The following RUVBL2 variants were observed in gnomAD, a reference collection of about 807,000 sequenced individuals.
The protein encoded by RUVBL2 is RuvB like AAA ATPase 2.
In RUVBL2, 9 loss-of-function variants were observed where a neutral mutation model predicts 57.9. That is an observed-to-expected ratio of 0.16 (90% confidence interval 0.09 to 0.27). The LOEUF (loss-of-function observed/expected upper bound fraction) is 0.27, where lower values mean the gene tolerates loss of function less well. Ranked by LOEUF, RUVBL2 falls within the 10% of genes least tolerant of loss-of-function variation. RUVBL2 has a pLI of 1.00. For synonymous variants in RUVBL2, 278 were observed against 264.6 expected (o/e 1.05, Z -0.49); for missense variants, 456 against 669.6 (o/e 0.68, Z 3.52).
rs375023511 is a variant in RUVBL2 at position 49,014,991 on chromosome 19, T to C, written c.1122-30T>C. ...CTGCAGTCAGAGGCTGGGCCCCGGC[T>C]GAGCCACCCCTGTCCCCCACTGCTT... On this transcript the variant is annotated intron_variant, in intron 12 of 14. Transcript: ENST00000595090. 175 of 1,576,412 alleles carry C rather than the reference T, an allele frequency of 1.1e-4. 1 individual carries two copies. The East Asian group carries it at 2.7e-3, about 24-fold the overall frequency.
At chr19:49,012,884 C>CACACACACA (rs1555803381) in intron 11 of RUVBL2, among the ~76,000 whole-genome samples, 3 of 149,232 alleles carry the variant, frequency 2.0e-5, no homozygotes, top group Admixed American at 6.7e-5. Context: ...CACACACACA[C>CACACACACA]CACCCCTGGG....
At chr19:49,002,291 C>G (rs1003959032) in intron 2 of RUVBL2, among the ~76,000 whole-genome samples, 7 of 152,020 alleles carry the variant, frequency 4.6e-5, no homozygotes, top group African/African-American at 1.7e-4. Flanking sequence ...CTCAGGTGAT[C>G]TGCTTGCCTC....
intron 11 of RUVBL2, among the ~76,000 whole-genome samples, chr19:49,013,269 T>C (rs1177343044): frequency 6.6e-6 from 1 of 151,842 alleles, no homozygotes; most frequent in African/African-American, 2.4e-5. Flanking sequence ...GCCTAATTTT[T>C]TTTTTTTTTT....
chr19:48,997,573 G>A (rs951304543), intron 1 of RUVBL2, among the ~76,000 whole-genome samples: 7 of 149,872 alleles, frequency 4.7e-5, no homozygotes, highest in Non-Finnish European at 8.9e-5. Flanking sequence ...AGGTTGTAGT[G>A]AGCCAAGATT....
At chr19:49,003,250 C>T (rs762113497) in intron 2 of RUVBL2, 29 bp from the exon 3 acceptor site, 8 of 1,498,118 alleles carry the variant, frequency 5.3e-6, no homozygotes, top group Non-Finnish European at 7.2e-6. Flanking sequence ...TGGCTAGTAA[C>T]TGAGTCTTTG....
In RUVBL2 at chr19:49,014,582, C is replaced by T. The variant is rs750596061; in HGVS notation, c.1100C>T (p.Thr367Met). Reference sequence around the variant, plus strand: ...ACCACCCCCTACAGCGAGAAAGACACGAAGCAGATCCTCCGCATCCGGTGC... The same window carrying T: ...ACCACCCCCTACAGCGAGAAAGACATGAAGCAGATCCTCCGCATCCGGTGC... ...VSTTPYSEKD[T>M]KQILRIRCEE... The change falls in exon 12 of 15, where the codon ACG (threonine) becomes ATG (methionine). Residue 367 changes from threonine (T) to methionine (M), a missense_variant. By Grantham distance (81) the Thr-to-Met change is moderately conservative (BLOSUM62 -1). Around this residue, in one of 5 missense-constraint regions of RUVBL2, gnomAD observed 130 missense variants for 243.0 expected, o/e 0.53. Coordinates refer to ENST00000595090, the MANE Select transcript of RUVBL2 (RefSeq NM_006666.3). 2.2e-5 allele frequency: 35 copies of T among 1,613,976 alleles called. No homozygotes were observed. Among genetic ancestry groups the T allele is most frequent in the Middle Eastern group, 1.6e-4 (1 of 6,084 alleles).
intron 13 of RUVBL2, 34 bp downstream of exon 13, chr19:49,015,184 G>T: frequency 6.3e-7 from 1 of 1,594,914 alleles, no homozygotes; most frequent in East Asian, 2.3e-5. Context: ...AGGGCCAGAT[G>T]GCGGCAGTGA....
At chr19:49,010,196 C>A in intron 8 of RUVBL2, 130 bp downstream of exon 8, 1 of 916,502 alleles carries the variant, frequency 1.1e-6, no homozygotes, top group Non-Finnish European at 1.7e-6. Context: ...ACTCCTGGGT[C>A]TTCCCTGTAA....
At position 49,015,859 on chromosome 19, in the gene RUVBL2, C is replaced by T. The variant is rs780045417; in HGVS notation, c.*17C>T. 117 of 1,614,174 alleles carry T rather than the reference C, an allele frequency of 7.2e-5. No homozygotes were observed. The East Asian group carries it at 1.5e-3, about 21-fold the overall frequency. On this transcript the variant is annotated 3_prime_UTR_variant, in exon 15 of 15. Coordinates refer to ENST00000595090, the MANE Select transcript of RUVBL2 (RefSeq NM_006666.3). ...ACCTCCTGAGTTGGATGTCATCCCC[C>T]GACCCCACCCTGTTTTCCACCAGAG...
chr19:49,006,932 T>C, intron 4 of RUVBL2, 86 bp from the exon 5 acceptor site: 3 of 1,546,038 alleles, frequency 1.9e-6, no homozygotes, highest in Non-Finnish European at 2.6e-6. Context: ...TTTCCTGGGG[T>C]GGGAGAAAAG....
intron 2 of RUVBL2, among the ~76,000 whole-genome samples, chr19:49,002,134 C>T (rs936706583): frequency 1.3e-5 from 2 of 151,934 alleles, no homozygotes; most frequent in African/African-American, 4.8e-5. Flanking sequence ...CTGCAACCTC[C>T]ACCTCCCTGG....
In RUVBL2 at chr19:49,011,356, C is replaced by T; in HGVS notation, c.1001+46C>T. 6.7e-7 allele frequency: 1 copy of T among 1,501,628 alleles called. No homozygotes were observed. Among genetic ancestry groups the T allele is most frequent in the Non-Finnish European group, 9.2e-7 (1 of 1,081,088 alleles). 93.0% of individuals were successfully genotyped at this position (1,501,628 alleles called of 1,614,324 possible). A position where few individuals can be genotyped will look rare whatever the true frequency, so the allele number is the denominator to read the frequency against. On this transcript the variant is annotated intron_variant, in intron 11 of 14. Coordinates refer to ENST00000595090, the MANE Select transcript of RUVBL2 (RefSeq NM_006666.3). This position sits in a 1 kb window ranked among gnomAD's most constrained non-coding sequence, Gnocchi z 4.4. ...TCTGGGGAAAACAGGATGCTCTGGG[C>T]AGTGGGTGTGGTCAGAGGGTCAATG...
rs200430454 is a variant in RUVBL2 at position 49,003,317 on chromosome 19, G to A, written c.106G>A (p.Ala36Thr). ...SHIRGLGLDD[A>T]LEPRQASQGM... ...CATCCGGGGACTGGGGCTGGACGAT[G>A]CCTTGGAGCCTCGGCAGGTAGAGCA... Residue 36 changes from alanine (A) to threonine (T), a missense_variant, in exon 3 of 15, where the codon GCC becomes ACC. Coordinates refer to ENST00000595090, the MANE Select transcript of RUVBL2 (RefSeq NM_006666.3). 1.5e-5 allele frequency: 25 copies of A among 1,614,052 alleles called. No individual in the cohort carries two copies. The African/African-American group carries it at 1.9e-4, about 12-fold the overall frequency.
intron 2 of RUVBL2, among the ~76,000 whole-genome samples, chr19:49,000,478 G>A (rs951443553): frequency 6.6e-6 from 1 of 152,138 alleles, no homozygotes; most frequent in Non-Finnish European, 1.5e-5. Flanking sequence ...TTGCTTGAAC[G>A]AGGAGGTGGA....
At chr19:49,006,823 G>C (rs1361187911) in intron 4 of RUVBL2, among the ~76,000 whole-genome samples, 195 bp from the exon 5 acceptor site, 1 of 152,262 alleles carries the variant, frequency 6.6e-6, no homozygotes, top group Non-Finnish European at 1.5e-5. Context: ...CTCACTCACT[G>C]TCTGCCTCAT....
chr19:49,002,241 G>A (rs2039198734), intron 2 of RUVBL2, among the ~76,000 whole-genome samples: 1 of 151,954 alleles, frequency 6.6e-6, no homozygotes. Context: ...GTAGAGACGG[G>A]GTTTCACCAT....
intron 6 of RUVBL2, among the ~76,000 whole-genome samples, chr19:49,007,928 T>C (rs995741892): frequency 2.6e-5 from 4 of 151,750 alleles, no homozygotes; most frequent in Non-Finnish European, 5.9e-5. Flanking sequence ...AGGCTGGTCT[T>C]GAACTCCTGA....
intron 2 of RUVBL2, among the ~76,000 whole-genome samples, chr19:49,002,956 A>G (rs2039213434): frequency 6.6e-6 from 1 of 152,216 alleles, no homozygotes; most frequent in Non-Finnish European, 1.5e-5. Context: ...GTAAACCATA[A>G]ACATGAAGTA....
At chr19:49,014,463 C>A (rs145596235) in intron 11 of RUVBL2, 21 bp from the exon 12 acceptor site, 1 of 1,610,276 alleles carries the variant, frequency 6.2e-7, no homozygotes, top group Non-Finnish European at 8.5e-7. Context: ...TGACAGCCCC[C>A]TCTTTCTGCC....
Sources: gnomAD v4.1 joint callset for allele counts (sites outside exome capture counted in the v4.1 genomes callset) on GRCh38, gnomAD v4.1.1 for gene constraint, gnomAD v4.1.1 regional missense constraint, Gnocchi (gnomAD v3.1) non-coding constraint, MANE v1.5 for transcripts, NCBI Gene and HGNC (gene_info 2026-07-23, HGNC 2026-07-21) for gene names.